The following SPICE1 variants were observed in gnomAD, a reference collection of about 807,000 sequenced individuals.
SPICE1 encodes the protein spindle and centriole-associated protein 1.
In SPICE1, 75 loss-of-function variants were observed where a neutral mutation model predicts 102.7. The observed-to-expected ratio is 0.73, with a 90% CI of 0.61 to 0.88. The LOEUF is 0.88. SPICE1 is among the 40% of genes least tolerant of loss of function. SPICE1 has a pLI of 0.00. For missense variants in SPICE1, 979 were observed against 1,020.1 expected, an observed-to-expected ratio of 0.96 and a Z score of 0.55; for synonymous variants, 308 against 350.3, an observed-to-expected ratio of 0.88 and a Z score of 1.35.
chr3:113,468,691 G>C, intron 9 of SPICE1, 71 bp downstream of exon 9: 1 of 1,495,748 alleles, frequency 6.7e-7, no homozygotes, highest in South Asian at 1.3e-5. Context: ...GAAAAACATT[G>C]ACTAAGAGAT....
chr3:113,506,902 C>T (rs1937124568), intron 1 of SPICE1, among the ~76,000 whole-genome samples: 1 of 152,146 alleles, frequency 6.6e-6, no homozygotes, highest in Admixed American at 6.5e-5. Context: ...AGACATTCGT[C>T]ATAAGCTTTG....
intron 2 of SPICE1, among the ~76,000 whole-genome samples, chr3:113,505,725 G>C (rs1222568256): frequency 6.6e-6 from 1 of 152,124 alleles, no homozygotes; most frequent in Non-Finnish European, 1.5e-5. Context: ...ACACAGCAAG[G>C]ACCTGTCTCT....
chr3:113,479,053 C>A (rs1031198608), intron 7 of SPICE1, among the ~76,000 whole-genome samples: 2 of 151,586 alleles, frequency 1.3e-5, no homozygotes, highest in African/African-American at 2.4e-5. Flanking sequence ...TATACATGTG[C>A]CATGCTGGTG....
At chr3:113,454,002 G>T in intron 13 of SPICE1, 52 bp from the exon 14 acceptor site, 1 of 1,454,438 alleles carries the variant, frequency 6.9e-7, no homozygotes, top group South Asian at 1.4e-5. Context: ...CCCATAGATT[G>T]GCACTATACT....
In SPICE1 at chr3:113,476,643, T is replaced by C. The variant is rs982739086; in HGVS notation, c.612-7405A>G. ...AGAAATAACGCCGCATATCTACAAC[T>C]ATCTGATCTTTGACAAACTTGAGAA... On this transcript the variant is annotated intron_variant, in intron 7 of 17. Transcript: ENST00000295872. Among the ~76,000 whole-genome samples the C allele has an allele frequency of 2.0e-5, 3 of 149,802 alleles. No homozygotes were observed. In the East Asian group the frequency reaches 5.8e-4, roughly 29 times the overall value.
intron 2 of SPICE1, 30 bp downstream of exon 2, chr3:113,506,477 T>C: frequency 6.5e-7 from 1 of 1,538,566 alleles, no homozygotes; most frequent in Non-Finnish European, 9.0e-7. Flanking sequence ...AGAGTAATGT[T>C]ACATTATTTA....
chr3:113,446,274 C>T (rs1935510671), intron 17 of SPICE1, among the ~76,000 whole-genome samples: 1 of 152,260 alleles, frequency 6.6e-6, no homozygotes, highest in East Asian at 1.9e-4. Flanking sequence ...CTCAGTAGAT[C>T]TACAACCCAT....
intron 7 of SPICE1, among the ~76,000 whole-genome samples, chr3:113,476,446 T>A (rs1247233608): frequency 6.0e-5 from 9 of 149,680 alleles, no homozygotes; most frequent in African/African-American, 2.0e-4. Context: ...TTAAAGTTCA[T>A]ATGGAACCGA....
chr3:113,479,945 T>G (rs1936452994), intron 7 of SPICE1, among the ~76,000 whole-genome samples: 1 of 151,982 alleles, frequency 6.6e-6, no homozygotes, highest in South Asian at 2.1e-4. Flanking sequence ...AACTAATAAA[T>G]TAAAAATGTT....
chr3:113,484,905 G>T (rs1412763699), intron 7 of SPICE1, among the ~76,000 whole-genome samples: 2 of 152,100 alleles, frequency 1.3e-5, no homozygotes, highest in African/African-American at 2.4e-5. Flanking sequence ...CTGAGTTCAA[G>T]TCCTGAATAT....
intron 15 of SPICE1, among the ~76,000 whole-genome samples, 194 bp from the exon 16 acceptor site, chr3:113,448,334 A>C (rs542114076): frequency 6.6e-6 from 1 of 151,360 alleles, no homozygotes; most frequent in African/African-American, 2.4e-5. Context: ...TTTAGTTACT[A>C]GTGTTAATTC....
chr3:113,506,276 A>G (rs1937109103), intron 2 of SPICE1, among the ~76,000 whole-genome samples: 1 of 152,168 alleles, frequency 6.6e-6, no homozygotes, highest in Non-Finnish European at 1.5e-5. Flanking sequence ...TAGGATTCCA[A>G]TTCTTCAGAG....
At chr3:113,456,260 G>A (rs1160025219) in intron 13 of SPICE1, among the ~76,000 whole-genome samples, 5 of 151,680 alleles carry the variant, frequency 3.3e-5, no homozygotes, top group African/African-American at 9.7e-5. Flanking sequence ...CACAAAATTT[G>A]TATGTCCCAA....
intron 7 of SPICE1, among the ~76,000 whole-genome samples, chr3:113,479,119 TC>T (rs1449707670): frequency 8.7e-6 from 1 of 114,504 alleles, no homozygotes; most frequent in Non-Finnish European, 1.8e-5. Flanking sequence ...ATGCTATCCC[TC>T]CCCCCACCCC....
intron 1 of SPICE1, among the ~76,000 whole-genome samples, chr3:113,513,731 T>TA (rs35063862): frequency 6.6e-6 from 1 of 152,200 alleles, no homozygotes; most frequent in Admixed American, 6.5e-5. Flanking sequence ...CCATCTCTAC[T>TA]AAAAATATTT....
chr3:113,487,922 T>C (rs1936681634), intron 7 of SPICE1, among the ~76,000 whole-genome samples: 1 of 152,096 alleles, frequency 6.6e-6, no homozygotes, highest in African/African-American at 2.4e-5. Flanking sequence ...AAAGTCAAAC[T>C]AGAGGGAATT....
At position 113,481,989 on chromosome 3, in the gene SPICE1, A is replaced by C. The variant is rs545898419; in HGVS notation, c.611+6956T>G. Among the ~76,000 whole-genome samples the C allele has an allele frequency of 4.6e-5, 7 of 152,320 alleles. No homozygotes were observed. The South Asian group carries it at 1.4e-3, about 32-fold the overall frequency. On this transcript the variant is annotated intron_variant, in intron 7 of 17. Coordinates refer to ENST00000295872, the MANE Select transcript of SPICE1 (RefSeq NM_144718.4). ...TTCTAGATCCTTGAGGAATCGCCACACTGTCTTCCACAATGGTTGAACTAA... is the reference window on the plus strand; with the variant it reads ...TTCTAGATCCTTGAGGAATCGCCACCCTGTCTTCCACAATGGTTGAACTAA...
Position 113,442,892 on chromosome 3 carries a change from A to G in SPICE1, c.*2415T>C, listed in dbSNP as rs537308740. 1 of 152,312 alleles carries G rather than the reference A, an allele frequency of 6.6e-6. No individual in the cohort carries two copies. Among genetic ancestry groups the G allele is most frequent in the African/African-American group, 2.4e-5 (1 of 41,576 alleles). The allele number at this position is 152,312 out of a possible 1,614,324, so 9.4% of individuals were successfully genotyped here. ...CTAGGTGCCAGAAAAGATAGAAAAC[A>G]TAGGGTAAACTTATTTTTAAATAGC... On this transcript the variant is annotated 3_prime_UTR_variant, in exon 18 of 18. Transcript: ENST00000295872.
At chr3:113,464,866 G>A (rs568133878) in intron 11 of SPICE1, among the ~76,000 whole-genome samples, 3 of 152,234 alleles carry the variant, frequency 2.0e-5, no homozygotes, top group South Asian at 2.1e-4. Flanking sequence ...CAGCACTTTC[G>A]AGGGCCAAGG....
Sources: gnomAD v4.1 joint callset for allele counts (sites outside exome capture counted in the v4.1 genomes callset) on GRCh38, gnomAD v4.1.1 for gene constraint, MANE v1.5 for transcripts, NCBI Gene and HGNC (gene_info 2026-07-23, HGNC 2026-07-21) for gene names.